Variants in HERC3 observed in about 807,000 individuals in gnomAD.
HERC3 encodes the protein probable E3 ubiquitin-protein ligase HERC3.
HERC3 carries 58 observed loss-of-function variants against 129.9 expected under a neutral mutation model. That is an observed-to-expected ratio of 0.45 (90% CI 0.36 to 0.56). The LOEUF is 0.56. Ranked by LOEUF, HERC3 falls within the 20% of genes least tolerant of loss-of-function variation. The pLI, the probability that HERC3 is intolerant of heterozygous loss-of-function variation, is 0.00. For missense variants in HERC3, 835 were observed against 1,244.2 expected (o/e 0.67, Z 4.95); for synonymous variants, 430 against 451.0 (o/e 0.95, Z 0.59).
intron 23 of HERC3, chr4:88,690,778 T>C (rs1362437817): frequency 1.1e-5 from 2 of 185,510 alleles, no homozygotes; most frequent in Non-Finnish European, 2.0e-5. Context: ...TCTCCCTTTC[T>C]GTTTCTCCAT....
intron 21 of HERC3, among the ~76,000 whole-genome samples, chr4:88,683,951 C>T (rs1280477484): frequency 6.6e-6 from 1 of 152,070 alleles, no homozygotes; most frequent in East Asian, 1.9e-4. Flanking sequence ...TAGTGTACCA[C>T]TGCTCAAAGA....
At chr4:88,603,670 A>T (rs750191274) in intron 2 of HERC3, among the ~76,000 whole-genome samples, 9 of 152,240 alleles carry the variant, frequency 5.9e-5, no homozygotes, top group Non-Finnish European at 1.0e-4. Flanking sequence ...CACCCACTTA[A>T]GATTTCCAAC....
upstream of HERC3, among the ~76,000 whole-genome samples, chr4:88,591,146 G>C (rs1721682686): frequency 6.6e-6 from 1 of 152,112 alleles, no homozygotes; most frequent in African/African-American, 2.4e-5. Flanking sequence ...ACCGGCTTCG[G>C]CCTCCCAAAG....
the HERC3 span, among the ~76,000 whole-genome samples, chr4:88,529,911 T>G: frequency 6.7e-6 from 1 of 149,502 alleles, no homozygotes; most frequent in African/African-American, 2.5e-5. Context: ...ATTTCAAAAC[T>G]ATTGATTCGG....
rs116214408 is a variant in HERC3 at position 88,645,749 on chromosome 4, T to C, written c.227-4091T>C. The stretch of plus-strand genomic sequence containing the variant: ...TCACATGACTCAGAATGGTATGCAA[T>C]TTAAAACTTATGAGTTGCTTATTTC... On this transcript the variant is annotated intron_variant, in intron 3 of 25. Transcript: ENST00000402738. 7.1e-3 allele frequency among the ~76,000 whole-genome samples: 1,076 copies of C among 152,198 alleles called. 13 individuals carry two copies. Among genetic ancestry groups the C allele is most frequent in the African/African-American group, 0.025 (1,020 of 41,528 alleles).
chr4:88,643,828 T>A (rs1039377670), intron 3 of HERC3, among the ~76,000 whole-genome samples: 1 of 152,142 alleles, frequency 6.6e-6, no homozygotes, highest in African/African-American at 2.4e-5. Context: ...TAACCTGAGG[T>A]TAGGCAGAGA....
chr4:88,697,669 T>G, intron 23 of HERC3: 1 of 1,613,118 alleles, frequency 6.2e-7, no homozygotes, highest in Non-Finnish European at 8.5e-7. Flanking sequence ...CGCACCGCCT[T>G]CCGCCATTAC....
Position 88,704,186 on chromosome 4 carries a change from G to T in HERC3, c.2746G>T (p.Val916Leu). Residue 916 changes from valine (V) to leucine (L), a missense_variant, in exon 24 of 26, where the codon GTG (valine) becomes TTG (leucine). Transcript: ENST00000402738. ...YTAFSSGFLKVCGGKVLELFQ... is the reference protein window; with the variant it reads ...YTAFSSGFLKLCGGKVLELFQ... ...AGCCTTCTCTAGTGGCTTCCTAAAGGTGTGTGGTGGCAAAGTACTTGAGCT... is the reference window on the plus strand; with the variant it reads ...AGCCTTCTCTAGTGGCTTCCTAAAGTTGTGTGGTGGCAAAGTACTTGAGCT... 1 of 1,614,114 alleles carries T rather than the reference G, an allele frequency of 6.2e-7. No individual in the cohort carries two copies. The highest frequency in any genetic ancestry group is 8.5e-7 in the Non-Finnish European group (1 of 1,179,988).
chr4:88,600,947 G>A (rs530797043), intron 2 of HERC3, among the ~76,000 whole-genome samples: 40 of 152,298 alleles, frequency 2.6e-4, no homozygotes, highest in Admixed American at 9.2e-4. Flanking sequence ...TAGCAATTGA[G>A]CAAGTTGGGA....
At chr4:88,576,687 G>T in the HERC3 span, among the ~76,000 whole-genome samples, 1 of 152,066 alleles carries the variant, frequency 6.6e-6, no homozygotes, top group Admixed American at 6.6e-5. Flanking sequence ...CCTAATCAAG[G>T]CCTCTGCTAT....
chr4:88,595,241 T>C (rs1722235865), intron 1 of HERC3, among the ~76,000 whole-genome samples: 1 of 152,136 alleles, frequency 6.6e-6, no homozygotes, highest in Admixed American at 6.5e-5. Context: ...AAATTTTCTC[T>C]AACAAAAATG....
chr4:88,703,031 T>C (rs1011560099), intron 23 of HERC3, among the ~76,000 whole-genome samples: 1 of 152,224 alleles, frequency 6.6e-6, no homozygotes, highest in Non-Finnish European at 1.5e-5. Flanking sequence ...CTGATTGCCA[T>C]CTGTCTCGAT....
At chr4:88,596,129 G>A (rs1401120332) in intron 2 of HERC3, among the ~76,000 whole-genome samples, 1 of 152,128 alleles carries the variant, frequency 6.6e-6, no homozygotes, top group East Asian at 1.9e-4. Flanking sequence ...GATTACAGGC[G>A]TGAGCCACCG....
At chr4:88,620,363 T>A (rs1725379079) in intron 3 of HERC3, among the ~76,000 whole-genome samples, 1 of 152,220 alleles carries the variant, frequency 6.6e-6, no homozygotes, top group South Asian at 2.1e-4. Flanking sequence ...CTGTTTTTTC[T>A]CCCTTAAACC....
At position 88,673,353 on chromosome 4, in the gene HERC3, C is replaced by G. The variant is rs530247573; in HGVS notation, c.1912-2865C>G. Among the ~76,000 whole-genome samples the G allele has an allele frequency of 7.2e-5, 11 of 152,278 alleles. No individual in the cohort carries two copies. The South Asian group carries it at 2.3e-3, about 32-fold the overall frequency. On this transcript the variant is annotated intron_variant, in intron 16 of 25. Coordinates refer to ENST00000402738, the MANE Select transcript of HERC3 (RefSeq NM_014606.3). The stretch of plus-strand genomic sequence containing the variant: ...CGTGTAGTGCCTCCTGCCCCACTTG[C>G]AGCCACATTTAGGAGATGTTGACTT...
chr4:88,534,379 T>C, the HERC3 span, among the ~76,000 whole-genome samples: 2 of 152,204 alleles, frequency 1.3e-5, no homozygotes, highest in Non-Finnish European at 2.9e-5. Context: ...GACAAAGAAT[T>C]AACTGGCCCA....
chr4:88,693,012 T>C, intron 23 of HERC3: 4 of 979,138 alleles, frequency 4.1e-6, no homozygotes, highest in Non-Finnish European at 4.9e-6. Context: ...ACATATGGAA[T>C]GGAATGTCTG....
At chr4:88,591,985 C>T (rs1224214832), upstream of HERC3, among the ~76,000 whole-genome samples, 2 of 152,116 alleles carry the variant, frequency 1.3e-5, no homozygotes, top group African/African-American at 2.4e-5. Flanking sequence ...CGCAGCGCCG[C>T]GGGCCGGCGC....
At chr4:88,611,223 C>T (rs28588182) in intron 3 of HERC3, among the ~76,000 whole-genome samples, 7,078 of 152,264 alleles carry the variant, frequency 0.046, 211 homozygotes, top group Middle Eastern at 0.099. Flanking sequence ...CTCCCTCTCT[C>T]CATTTAACTT....
Sources: gnomAD v4.1 joint callset for allele counts (sites outside exome capture counted in the v4.1 genomes callset) on GRCh38, gnomAD v4.1.1 for gene constraint, MANE v1.5 for transcripts, NCBI Gene and HGNC (gene_info 2026-07-23, HGNC 2026-07-21) for gene names.